The following MYO5C variants were observed in gnomAD, a reference collection of about 807,000 sequenced individuals.
MYO5C encodes unconventional myosin-Vc.
MYO5C carries 194 observed loss-of-function variants against 235.7 expected under a neutral mutation model. The ratio of observed to expected loss-of-function variants is 0.82; its 90% CI spans 0.73 to 0.93. The LOEUF (loss-of-function observed/expected upper bound fraction) is 0.93, where lower values mean the gene tolerates loss of function less well. Ranked by LOEUF, MYO5C falls within the 40% of genes least tolerant of loss-of-function variation. The probability of loss-of-function intolerance (pLI) is 0.00; values close to 1 mark genes in which losing one functional copy is unlikely to be tolerated. For synonymous variants in MYO5C, 707 were observed against 754.8 expected (o/e 0.94, Z 1.04); for missense variants, 2,038 against 2,127.2 (o/e 0.96, Z 0.82).
intron 38 of MYO5C, among the ~76,000 whole-genome samples, chr15:52,200,087 T>C (rs932059491): frequency 1.3e-5 from 2 of 152,028 alleles, no homozygotes; most frequent in Admixed American, 6.6e-5. Context: ...AAACATACCA[T>C]TACCCAAGTT....
chr15:52,218,827 A>T, intron 31 of MYO5C, 140 bp from the exon 32 acceptor site: 1 of 792,442 alleles, frequency 1.3e-6, no homozygotes. Context: ...GTATTCGAAT[A>T]GGGGTGTCCT....
chr15:52,252,419 G>A (rs1313189499), intron 12 of MYO5C, among the ~76,000 whole-genome samples: 6 of 151,668 alleles, frequency 4.0e-5, no homozygotes, highest in South Asian at 2.1e-4. Context: ...AGCTAGTTGC[G>A]AAATTTGATC....
At chr15:52,207,152 A>G (rs1313114304) in intron 36 of MYO5C, among the ~76,000 whole-genome samples, 1 of 152,192 alleles carries the variant, frequency 6.6e-6, no homozygotes, top group African/African-American at 2.4e-5. Flanking sequence ...AAAAGAAAAA[A>G]AAAAAAGAAC....
At chr15:52,232,763 G>T in intron 23 of MYO5C, 78 bp from the exon 24 acceptor site, 1 of 1,233,480 alleles carries the variant, frequency 8.1e-7, no homozygotes, top group Non-Finnish European at 1.2e-6. Flanking sequence ...TTAAGAAAGT[G>T]AGAATGTCAG....
chr15:52,276,185 C>T (rs2037046807), intron 4 of MYO5C, among the ~76,000 whole-genome samples: 1 of 152,264 alleles, frequency 6.6e-6, no homozygotes, highest in African/African-American at 2.4e-5. Flanking sequence ...GGCCCCAAGA[C>T]CAACCTCAGG....
rs1264619539 is a variant in MYO5C at position 52,248,715 on chromosome 15, G to A, written c.1731C>T (p.Ile577=). The A allele has an allele frequency of 1.2e-6, 2 of 1,613,642 alleles. No individual in the cohort carries two copies. The highest frequency in any genetic ancestry group is 1.7e-5 in the Admixed American group (1 of 59,992). The change falls in exon 14 of 41, where the codon ATC becomes ATT. Residue 577 remains isoleucine (I), a synonymous_variant. Transcript: ENST00000261839. ...RDTVYDMLVE[I]LRASKFHLCA... ...CTTTACAGACCTTGCTTGCTCTCAG[G>A]ATTTCAACCAGCATGTCATAGACGG...
At chr15:52,247,279 C>T (rs2036369937) in intron 15 of MYO5C, among the ~76,000 whole-genome samples, 179 bp downstream of exon 15, 1 of 152,160 alleles carries the variant, frequency 6.6e-6, no homozygotes, top group African/African-American at 2.4e-5. Flanking sequence ...CCAGTGCGTG[C>T]TGCCTTGGAG....
intron 4 of MYO5C, among the ~76,000 whole-genome samples, chr15:52,276,539 A>C (rs1273852317): frequency 6.6e-6 from 1 of 152,170 alleles, no homozygotes; most frequent in East Asian, 1.9e-4. Context: ...ATTTACACAA[A>C]CAGCTTGAGT....
chr15:52,244,379 G>A lies in MYO5C; in HGVS notation c.2367C>T (p.Tyr789=), dbSNP rs541459037. 1.7e-4 allele frequency: 270 copies of A among 1,613,596 alleles called. 1 individual carries two copies. In the South Asian group the frequency reaches 2.7e-3, roughly 16 times the overall value. ...ERRAALIIQQ[Y]FRGQQTVRKA... ...ACCTCACAGTTTGCTGACCCCGGAA[G>A]TACTGCTGGATTATCAGGGCGGCTC... The change falls in exon 19 of 41, where the codon TAC becomes TAT. Residue 789 remains tyrosine, a synonymous_variant. Transcript: ENST00000261839.
chr15:52,193,665 G>C lies in MYO5C; in HGVS notation c.*237C>G, dbSNP rs2034983732. On this transcript the variant is annotated 3_prime_UTR_variant, in exon 41 of 41. Coordinates refer to ENST00000261839, the MANE Select transcript of MYO5C (RefSeq NM_018728.4). ...CCTCCAGGAATTTCAGTGAAAACCA[G>C]CTGAGATTCGAGAGTGAGACATGGC... 1 of 460,880 alleles carries C rather than the reference G, an allele frequency of 2.2e-6. No homozygotes were observed. Among genetic ancestry groups the C allele is most frequent in the Non-Finnish European group, 3.8e-6 (1 of 262,632 alleles). 28.5% of individuals were successfully genotyped at this position (460,880 alleles called of 1,614,324 possible).
chr15:52,242,172 G>A lies in MYO5C; in HGVS notation c.2432C>T (p.Ala811Val). The A allele has an allele frequency of 6.2e-7, 1 of 1,613,976 alleles. No individual in the cohort carries two copies. The highest frequency in any genetic ancestry group is 8.5e-7 in the Non-Finnish European group (1 of 1,179,928). The change falls in exon 20 of 41, where the codon GCC (alanine) becomes GTC (valine). Residue 811 changes from alanine (A) to valine (V), a missense_variant. By Grantham distance (64) the Ala-to-Val change is moderately conservative. Transcript: ENST00000261839. ...TAVALKEAWA[A>V]IIIQKHCRGY... Reference sequence around the variant, plus strand: ...GCGGCAGTGCTTCTGAATGATTATGGCTGCCCAAGCTTCTTTTAAGGCCAC... The same window carrying A: ...GCGGCAGTGCTTCTGAATGATTATGACTGCCCAAGCTTCTTTTAAGGCCAC...
chr15:52,274,168 T>C (rs1479935158), intron 5 of MYO5C, among the ~76,000 whole-genome samples: 1 of 152,094 alleles, frequency 6.6e-6, no homozygotes, highest in Non-Finnish European at 1.5e-5. Flanking sequence ...TAAACAAAGG[T>C]AAACCAAATA....
At chr15:52,264,402 T>C (rs2036758746) in intron 8 of MYO5C, 106 bp from the exon 9 acceptor site, 3 of 895,296 alleles carry the variant, frequency 3.4e-6, no homozygotes, top group Admixed American at 2.3e-5. Context: ...AGTGCCAAGC[T>C]CTGGGACAGG....
Position 52,295,744 on chromosome 15 carries a change from G to T in MYO5C, c.-108C>A, listed in dbSNP as rs2037490510. 5 of 755,682 alleles carry T rather than the reference G, an allele frequency of 6.6e-6. No homozygotes were observed. The highest frequency in any genetic ancestry group is 3.7e-5 in the African/African-American group (2 of 54,160). 46.8% of individuals were successfully genotyped at this position (755,682 alleles called of 1,614,324 possible). A position where few individuals can be genotyped will look rare whatever the true frequency, so the allele number is the denominator to read the frequency against. ...AGGAGAGACCGCCGCGGAAATCACC[G>T]CCGGGCCATCTTGCCCAAAGTTTTC... On this transcript the variant is annotated 5_prime_UTR_variant, in exon 1 of 41. Coordinates refer to ENST00000261839, the MANE Select transcript of MYO5C (RefSeq NM_018728.4).
intron 1 of MYO5C, among the ~76,000 whole-genome samples, chr15:52,284,103 GC>G (rs79975391): frequency 1.1e-4 from 17 of 150,784 alleles, no homozygotes; most frequent in South Asian, 2.1e-4. Context: ...CAAAATATAA[GC>G]CCCCCCCTCA....
At chr15:52,246,198 C>T (rs1400499017) in intron 16 of MYO5C, among the ~76,000 whole-genome samples, 156 bp from the exon 17 acceptor site, 1 of 152,148 alleles carries the variant, frequency 6.6e-6, no homozygotes, top group Non-Finnish European at 1.5e-5. Flanking sequence ...AATAGCACCT[C>T]TGCAAAACAG....
Position 52,208,577 on chromosome 15 carries a change from G to T in MYO5C, c.4363C>A (p.Leu1455Met). ...ACCTCTTCTCCGCTGTACTGCTTCA[G>T]GCAATTGAGAAAATGACAAGTGTTG... ...LSNTCHFLNC[L>M]KQYSGEEEFM... The change falls in exon 36 of 41, where the codon CTG becomes ATG. Residue 1455 changes from leucine (L) to methionine (M), a missense_variant. Leu to Met is a conservative substitution (Grantham distance 15). Transcript: ENST00000261839. The T allele has an allele frequency of 6.2e-7, 1 of 1,614,112 alleles. No individual in the cohort carries two copies.
At chr15:52,213,410 A>G (rs1050145571) in intron 33 of MYO5C, 124 bp from the exon 34 acceptor site, 2 of 672,452 alleles carry the variant, frequency 3.0e-6, no homozygotes, top group African/African-American at 3.6e-5. Context: ...TTTCAGATAC[A>G]TTAAAACTGT....
intron 9 of MYO5C, among the ~76,000 whole-genome samples, chr15:52,261,838 T>C (rs1040642122): frequency 7.9e-5 from 12 of 152,134 alleles, no homozygotes; most frequent in Non-Finnish European, 1.6e-4. Flanking sequence ...TCCCAGCTCC[T>C]CTCTCAGGCA....
Sources: allele counts gnomAD v4.1 joint callset (sites outside exome capture counted in the v4.1 genomes callset), GRCh38; gene constraint gnomAD v4.1.1; transcripts MANE v1.5; gene names NCBI Gene and HGNC (gene_info 2026-07-23, HGNC 2026-07-21).